GALNT13: variants seen among roughly 807,000 people sequenced by gnomAD.
GALNT13 encodes polypeptide N-acetylgalactosaminyltransferase 13.
A neutral mutation model predicts 64.2 loss-of-function variants in GALNT13; 28 were observed. That is an observed-to-expected ratio of 0.44 (90% confidence interval 0.32 to 0.60). The LOEUF (loss-of-function observed/expected upper bound fraction) is 0.60, where lower values mean the gene tolerates loss of function less well. Ranked by LOEUF, GALNT13 falls within the 20% of genes least tolerant of loss-of-function variation. The pLI, the probability that GALNT13 is intolerant of heterozygous loss-of-function variation, is 0.05. For synonymous variants in GALNT13, 214 were observed against 224.6 expected (o/e 0.95, Z 0.42); for missense variants, 577 against 669.8 (o/e 0.86, Z 1.53).
chr2:153,559,696 G>T, the GALNT13 span, among the ~76,000 whole-genome samples: 1 of 152,124 alleles, frequency 6.6e-6, no homozygotes, highest in African/African-American at 2.4e-5. Flanking sequence ...GACCTGATTA[G>T]TTTAAAGTTT....
At chr2:153,155,080 C>T in the GALNT13 span, among the ~76,000 whole-genome samples, 1 of 152,170 alleles carries the variant, frequency 6.6e-6, no homozygotes, top group African/African-American at 2.4e-5. Flanking sequence ...ATGAAGCCAA[C>T]TTGACTGTGG....
chr2:153,391,296 G>C, the GALNT13 span, among the ~76,000 whole-genome samples: 2 of 152,118 alleles, frequency 1.3e-5, no homozygotes, highest in South Asian at 4.2e-4. Flanking sequence ...AGAAACAGGA[G>C]TTAAGGAGCA....
chr2:153,850,997 A>C, the GALNT13 span, among the ~76,000 whole-genome samples: 3 of 152,198 alleles, frequency 2.0e-5, no homozygotes, highest in East Asian at 5.8e-4. Flanking sequence ...TAAGGTGACA[A>C]AGAAAATGTT....
chr2:154,069,981 T>C (rs1700661178), intron 3 of GALNT13, among the ~76,000 whole-genome samples: 1 of 152,096 alleles, frequency 6.6e-6, no homozygotes, highest in South Asian at 2.1e-4. Context: ...TAGAATGCAC[T>C]ACTAAAATAA....
chr2:154,343,979 G>A (rs1304862437), intron 9 of GALNT13, among the ~76,000 whole-genome samples: 1 of 151,884 alleles, frequency 6.6e-6, no homozygotes, highest in Non-Finnish European at 1.5e-5. Context: ...TCAGCAAGTG[G>A]CACCTTAGTG....
intron 3 of GALNT13, among the ~76,000 whole-genome samples, chr2:154,006,234 A>T (rs1574313455): frequency 6.6e-6 from 1 of 152,218 alleles, no homozygotes; most frequent in Non-Finnish European, 1.5e-5. Flanking sequence ...CAAGAAAATT[A>T]TGTGAATTAC....
the GALNT13 span, among the ~76,000 whole-genome samples, chr2:153,785,675 C>A: frequency 0.86 from 130,567 of 151,840 alleles, 57,059 homozygotes; most frequent in Non-Finnish European, 0.9. Context: ...AAGCAGCTGC[C>A]CTGCTGCCAT....
chr2:153,873,766 A>G (rs1686156467), intron 1 of GALNT13, among the ~76,000 whole-genome samples: 1 of 152,018 alleles, frequency 6.6e-6, no homozygotes, highest in South Asian at 2.1e-4. Context: ...GTATCCTTGA[A>G]TATTTTCAGC....
At chr2:153,921,149 A>C (rs1365617216) in intron 2 of GALNT13, among the ~76,000 whole-genome samples, 1 of 152,026 alleles carries the variant, frequency 6.6e-6, no homozygotes, top group Non-Finnish European at 1.5e-5. Context: ...AATATAAATC[A>C]CTCTACCATA....
intron 9 of GALNT13, among the ~76,000 whole-genome samples, chr2:154,373,544 T>C (rs1697817135): frequency 6.6e-6 from 1 of 152,178 alleles, no homozygotes; most frequent in African/African-American, 2.4e-5. Flanking sequence ...TTGAAGAGCA[T>C]ATAGACAGTA....
At chr2:153,197,545 C>G in the GALNT13 span, among the ~76,000 whole-genome samples, 2 of 152,222 alleles carry the variant, frequency 1.3e-5, no homozygotes, top group Non-Finnish European at 2.9e-5. Flanking sequence ...GACTGGGGGC[C>G]AGTGCCAGGC....
chr2:154,017,141 G>A (rs1257296974), intron 3 of GALNT13, among the ~76,000 whole-genome samples: 4 of 152,144 alleles, frequency 2.6e-5, no homozygotes, highest in East Asian at 1.9e-4. Context: ...GAAAGGGCAC[G>A]AGATGAGAAA....
At chr2:153,705,988 CTA>C in the GALNT13 span, among the ~76,000 whole-genome samples, 1 of 150,856 alleles carries the variant, frequency 6.6e-6, no homozygotes, top group Non-Finnish European at 1.5e-5. Flanking sequence ...GTATTGAGGA[CTA>C]TATATATATA....
the GALNT13 span, among the ~76,000 whole-genome samples, chr2:153,238,312 C>T: frequency 2.2e-3 from 331 of 152,026 alleles, 3 homozygotes; most frequent in Middle Eastern, 3.4e-3. Context: ...CATTTATTTG[C>T]TGTGCAGAAG....
the GALNT13 span, among the ~76,000 whole-genome samples, chr2:153,670,425 C>G: frequency 2.0e-5 from 3 of 152,136 alleles, no homozygotes; most frequent in Non-Finnish European, 4.4e-5. Context: ...GAGTGAACCT[C>G]CAGCAAACTC....
chr2:154,353,343 G>T lies in GALNT13; in HGVS notation c.1157-42648G>T, dbSNP rs536454317. Reference sequence around the variant, plus strand: ...ACTGAGGTTTACATATGAAGTTATGGGATACATATAGATAGTAAAATGGTT... The same window carrying T: ...ACTGAGGTTTACATATGAAGTTATGTGATACATATAGATAGTAAAATGGTT... On this transcript the variant is annotated intron_variant, in intron 9 of 12. Coordinates refer to ENST00000392825, the MANE Select transcript of GALNT13 (RefSeq NM_052917.4). 2.0e-5 allele frequency among the ~76,000 whole-genome samples: 3 copies of T among 151,970 alleles called. No individual in the cohort carries two copies. The East Asian group carries it at 5.8e-4, about 29-fold the overall frequency.
At chr2:153,493,871 T>G in the GALNT13 span, among the ~76,000 whole-genome samples, 1 of 152,118 alleles carries the variant, frequency 6.6e-6, no homozygotes, top group Admixed American at 6.5e-5. Context: ...TTGTATTAGT[T>G]CATTTTTGCA....
the GALNT13 span, among the ~76,000 whole-genome samples, chr2:153,280,884 G>A: frequency 6.6e-6 from 1 of 152,124 alleles, no homozygotes; most frequent in Non-Finnish European, 1.5e-5. Context: ...AGGTCCAATT[G>A]GTCATGCGTG....
At chr2:153,968,896 C>T (rs532368145) in intron 3 of GALNT13, among the ~76,000 whole-genome samples, 6 of 152,212 alleles carry the variant, frequency 3.9e-5, no homozygotes, top group Non-Finnish European at 7.4e-5. Context: ...CAGTATTTAT[C>T]ATTTCATTTA....
Sources: gnomAD v4.1 joint callset for allele counts (sites outside exome capture counted in the v4.1 genomes callset) on GRCh38, gnomAD v4.1.1 for gene constraint, MANE v1.5 for transcripts, NCBI Gene and HGNC (gene_info 2026-07-23, HGNC 2026-07-21) for gene names.